AGBL4: variants seen among roughly 807,000 people sequenced by gnomAD.
AGBL4 encodes the protein cytosolic carboxypeptidase 6.
Under a neutral mutation model 66.4 loss-of-function variants are expected in AGBL4, and 58 were observed. The ratio of observed to expected loss-of-function variants is 0.87; its 90% CI spans 0.71 to 1.09. The LOEUF (loss-of-function observed/expected upper bound fraction) is 1.09. AGBL4 is among the 50% of genes least tolerant of loss of function. AGBL4 has a pLI of 0.00. For missense variants in AGBL4, 579 were observed against 631.0 expected (o/e 0.92, Z 0.88); for synonymous variants, 234 against 222.9 (o/e 1.05, Z -0.44).
intron 3 of AGBL4, among the ~76,000 whole-genome samples, chr1:49,267,400 G>T (rs1236648490): frequency 6.6e-6 from 1 of 152,128 alleles, no homozygotes; most frequent in Admixed American, 6.6e-5. Context: ...CATACCCAAG[G>T]CGAGGCACGG....
chr1:48,727,337 A>G (rs751013740), intron 6 of AGBL4, among the ~76,000 whole-genome samples: 16 of 152,312 alleles, frequency 1.1e-4, no homozygotes, highest in Non-Finnish European at 1.8e-4. Context: ...GAAGTCAGAG[A>G]AAGAGATCTG....
At chr1:49,639,587 T>C (rs1451993259) in intron 3 of AGBL4, among the ~76,000 whole-genome samples, 1 of 152,200 alleles carries the variant, frequency 6.6e-6, no homozygotes, top group East Asian at 1.9e-4. Context: ...CTACAAGAAG[T>C]CCTATTTGTT....
At chr1:49,562,040 G>C (rs1644061342) in intron 3 of AGBL4, among the ~76,000 whole-genome samples, 3 of 152,062 alleles carry the variant, frequency 2.0e-5, no homozygotes, top group African/African-American at 7.2e-5. Context: ...GTTTTGATTT[G>C]CATTTCTCTG....
chr1:48,570,760 A>T (rs1644549355), intron 11 of AGBL4, among the ~76,000 whole-genome samples: 1 of 152,182 alleles, frequency 6.6e-6, no homozygotes, highest in Admixed American at 6.5e-5. Context: ...CCACTCGCAC[A>T]TACTATCACT....
At chr1:49,156,271 A>G (rs1438622887) in intron 4 of AGBL4, among the ~76,000 whole-genome samples, 1 of 152,184 alleles carries the variant, frequency 6.6e-6, no homozygotes, top group Non-Finnish European at 1.5e-5. Flanking sequence ...ATGCTAACAC[A>G]AGAGATGAGT....
At chr1:48,750,711 C>T (rs909806270) in intron 6 of AGBL4, among the ~76,000 whole-genome samples, 3 of 152,166 alleles carry the variant, frequency 2.0e-5, no homozygotes, top group Admixed American at 2.0e-4. Context: ...TCAGAGCTAT[C>T]CAATAATGAG....
At chr1:49,142,262 A>G (rs1646132471) in intron 4 of AGBL4, among the ~76,000 whole-genome samples, 1 of 152,096 alleles carries the variant, frequency 6.6e-6, no homozygotes, top group Non-Finnish European at 1.5e-5. Flanking sequence ...TGGTGCCAAA[A>G]AGGTTGGAGA....
At chr1:49,148,878 C>T (rs1276874184) in intron 4 of AGBL4, among the ~76,000 whole-genome samples, 1 of 152,140 alleles carries the variant, frequency 6.6e-6, no homozygotes, top group African/African-American at 2.4e-5. Flanking sequence ...AAGATAGATG[C>T]CTGGGTAAGC....
At chr1:48,701,454 TTTCC>T (rs779335607) in intron 6 of AGBL4, among the ~76,000 whole-genome samples, 1,694 of 21,632 alleles carry the variant, frequency 0.078, 42 homozygotes, top group African/African-American at 0.082. Flanking sequence ...TTCTTTTTCT[TTTCC>T]TTTTTTTTTC....
chr1:48,745,084 T>G (rs1031731666), intron 6 of AGBL4, among the ~76,000 whole-genome samples: 2 of 152,226 alleles, frequency 1.3e-5, no homozygotes, highest in African/African-American at 4.8e-5. Context: ...TATAAAGCTC[T>G]TCAAGAGCAA....
At chr1:48,569,319 C>A (rs1052010427) in intron 11 of AGBL4, among the ~76,000 whole-genome samples, 2 of 152,214 alleles carry the variant, frequency 1.3e-5, no homozygotes, top group African/African-American at 4.8e-5. Context: ...ATTGCCAATG[C>A]CCAGCACAGG....
chr1:49,704,574 A>C (rs1647166167), intron 2 of AGBL4, among the ~76,000 whole-genome samples: 1 of 152,172 alleles, frequency 6.6e-6, no homozygotes, highest in African/African-American at 2.4e-5. Context: ...CTTACCTTTA[A>C]ATTTTTAATA....
intron 3 of AGBL4, among the ~76,000 whole-genome samples, chr1:49,436,799 A>G (rs1645914164): frequency 6.6e-6 from 1 of 152,210 alleles, no homozygotes; most frequent in South Asian, 2.1e-4. Context: ...GGAAGAGAAT[A>G]AACGTATTCA....
chr1:48,590,793 TG>T, intron 10 of AGBL4, 39 bp downstream of exon 10: 4 of 1,559,314 alleles, frequency 2.6e-6, no homozygotes, highest in Non-Finnish European at 2.6e-6. Context: ...AGGCAGGGTG[TG>T]GGGGGCTGGG....
At chr1:49,628,070 A>G (rs1645498602) in intron 3 of AGBL4, among the ~76,000 whole-genome samples, 1 of 152,116 alleles carries the variant, frequency 6.6e-6, no homozygotes, top group African/African-American at 2.4e-5. Flanking sequence ...GTCACTTGAT[A>G]CCTGTTTGCA....
intron 2 of AGBL4, among the ~76,000 whole-genome samples, chr1:49,715,837 G>A (rs1057453823): frequency 1.3e-5 from 2 of 152,180 alleles, no homozygotes; most frequent in Middle Eastern, 3.4e-3. Flanking sequence ...GTTCCTTGTA[G>A]ATTCTGGATT....
intron 5 of AGBL4, among the ~76,000 whole-genome samples, chr1:48,967,347 T>C (rs777294388): frequency 1.4e-4 from 21 of 152,188 alleles, no homozygotes; most frequent in Non-Finnish European, 2.8e-4. Context: ...CTCGTTTATT[T>C]ATTCATTCAT....
intron 4 of AGBL4, among the ~76,000 whole-genome samples, chr1:49,208,304 A>AT (rs942896645): frequency 1.3e-5 from 2 of 151,738 alleles, no homozygotes; most frequent in East Asian, 3.9e-4. Flanking sequence ...CTAAAAATTG[A>AT]TTTTTTTTCT....
At chr1:48,716,759 G>A (rs954308860) in intron 6 of AGBL4, among the ~76,000 whole-genome samples, 7 of 152,192 alleles carry the variant, frequency 4.6e-5, no homozygotes, top group Non-Finnish European at 8.8e-5. Context: ...GGCTTGGGGC[G>A]AAGGTACTGA....
Sources: allele counts gnomAD v4.1 joint callset (sites outside exome capture counted in the v4.1 genomes callset), GRCh38; gene constraint gnomAD v4.1.1; transcripts MANE v1.5; gene names NCBI Gene and HGNC (gene_info 2026-07-23, HGNC 2026-07-21).